The following PATJ variants were observed in gnomAD, a reference collection of about 807,000 sequenced individuals.
The protein encoded by PATJ is inaD-like protein.
Under a neutral mutation model 224.9 loss-of-function variants are expected in PATJ, and 190 were observed. The observed-to-expected ratio is 0.84, with a 90% CI of 0.75 to 0.95. PATJ has a LOEUF of 0.95. Ranked by LOEUF, PATJ falls within the 40% of genes least tolerant of loss-of-function variation. PATJ has a pLI of 0.00. For missense variants in PATJ, 2,121 were observed against 2,270.3 expected (o/e 0.93, Z 1.34); for synonymous variants, 769 against 820.3 (o/e 0.94, Z 1.07).
intron 6 of PATJ, among the ~76,000 whole-genome samples, chr1:61,772,433 C>A (rs1441870825): frequency 6.6e-6 from 1 of 152,014 alleles, no homozygotes; most frequent in Non-Finnish European, 1.5e-5. Flanking sequence ...GTGTATGTCT[C>A]TTTTGGGAAC....
chr1:62,001,489 C>G (rs552757153), intron 28 of PATJ, among the ~76,000 whole-genome samples: 2,351 of 148,560 alleles, frequency 0.016, 32 homozygotes, highest in African/African-American at 0.04. Context: ...TGTCAAAGAT[C>G]AGATAGTTGT....
At chr1:61,937,172 T>G (rs1389767424) in intron 27 of PATJ, among the ~76,000 whole-genome samples, 1 of 152,162 alleles carries the variant, frequency 6.6e-6, no homozygotes. Context: ...TTTTTTCAGC[T>G]TTGTGGGAGT....
chr1:62,081,194 A>G (rs998374694), intron 32 of PATJ, among the ~76,000 whole-genome samples: 1 of 152,244 alleles, frequency 6.6e-6, no homozygotes, highest in Non-Finnish European at 1.5e-5. Flanking sequence ...TTGGTAATAT[A>G]TATCACATAT....
intron 42 of PATJ, among the ~76,000 whole-genome samples, chr1:62,152,513 A>T (rs1354665009): frequency 6.6e-6 from 1 of 152,022 alleles, no homozygotes; most frequent in African/African-American, 2.4e-5. Flanking sequence ...TTAGCTGGGC[A>T]TGGTAGTACA....
At chr1:61,902,764 A>G (rs949957607) in intron 24 of PATJ, among the ~76,000 whole-genome samples, 1 of 152,198 alleles carries the variant, frequency 6.6e-6, no homozygotes, top group Non-Finnish European at 1.5e-5. Context: ...TCAGATTGCA[A>G]TAAGTAGCTA....
intron 14 of PATJ, chr1:61,816,540 A>G (rs918438523): frequency 1.3e-5 from 2 of 152,228 alleles, no homozygotes; most frequent in African/African-American, 4.8e-5. Context: ...TAAATTTATA[A>G]AAAAATTTTC....
chr1:62,141,785 G>C (rs7547052), intron 41 of PATJ, among the ~76,000 whole-genome samples: 1 of 151,834 alleles, frequency 6.6e-6, no homozygotes, highest in Non-Finnish European at 1.5e-5. Flanking sequence ...GCTGGCCAAC[G>C]TGGTGAAACC....
At chr1:61,968,831 T>C (rs1237813375) in intron 27 of PATJ, among the ~76,000 whole-genome samples, 3 of 152,138 alleles carry the variant, frequency 2.0e-5, no homozygotes, top group Non-Finnish European at 4.4e-5. Flanking sequence ...ATTCTATACC[T>C]ATTAAAAAAT....
chr1:61,820,007 T>C (rs1656928293), intron 14 of PATJ, among the ~76,000 whole-genome samples: 2 of 152,122 alleles, frequency 1.3e-5, no homozygotes, highest in South Asian at 4.1e-4. Flanking sequence ...ACTTGTTACA[T>C]TTATTTTTAT....
At chr1:61,805,558 G>A (rs1183697413) in intron 13 of PATJ, 34 bp downstream of exon 13, 1 of 1,250,364 alleles carries the variant, frequency 8.0e-7, no homozygotes, top group Non-Finnish European at 1.2e-6. Flanking sequence ...AAACATTCAT[G>A]TCTCATTTCA....
intron 14 of PATJ, among the ~76,000 whole-genome samples, chr1:61,813,383 A>ATG (rs1655352995): frequency 1.8e-4 from 3 of 16,368 alleles, no homozygotes; most frequent in East Asian, 1.5e-3. Flanking sequence ...ATATATACAC[A>ATG]CACACACACA....
intron 30 of PATJ, among the ~76,000 whole-genome samples, chr1:62,048,320 T>C (rs1652915242): frequency 6.6e-6 from 1 of 151,318 alleles, no homozygotes; most frequent in Non-Finnish European, 1.5e-5. Context: ...CTGAGGTGGG[T>C]GGATCACTTG....
Position 61,833,805 on chromosome 1 carries a change from G to T in PATJ, c.2112+20G>T, listed in dbSNP as rs893557975. ...TACCAGGTATAAGAACCTGTGTAGAGGTGTTTTCTTTGGAGTGATTGGTTT... is the reference window on the plus strand; with the variant it reads ...TACCAGGTATAAGAACCTGTGTAGATGTGTTTTCTTTGGAGTGATTGGTTT... On this transcript the variant is annotated intron_variant, in intron 17 of 43. Coordinates refer to ENST00000642238, the MANE Select transcript of PATJ (RefSeq NM_001350145.3). 6.2e-7 allele frequency: 1 copy of T among 1,604,430 alleles called. No homozygotes were observed.
At chr1:61,960,392 T>G (rs780560533) in intron 27 of PATJ, among the ~76,000 whole-genome samples, 1 of 152,208 alleles carries the variant, frequency 6.6e-6, no homozygotes, top group African/African-American at 2.4e-5. Flanking sequence ...CCAGGTGCAG[T>G]GGTTCACGCC....
intron 21 of PATJ, 92 bp from the exon 22 acceptor site, chr1:61,884,145 C>T: frequency 1.1e-5 from 9 of 821,764 alleles, no homozygotes; most frequent in East Asian, 2.6e-5. Flanking sequence ...GGAAGAGTCC[C>T]CTCCCATAGT....
chr1:61,908,177 G>T (rs1045511414), intron 24 of PATJ, among the ~76,000 whole-genome samples, 195 bp from the exon 25 acceptor site: 1 of 152,118 alleles, frequency 6.6e-6, no homozygotes, highest in Admixed American at 6.6e-5. Context: ...TTTTCTGAAG[G>T]TGAAATGTTA....
At chr1:61,980,529 T>C (rs939621813) in intron 27 of PATJ, among the ~76,000 whole-genome samples, 1 of 151,920 alleles carries the variant, frequency 6.6e-6, no homozygotes, top group South Asian at 2.1e-4. Context: ...GGTGTTTTTG[T>C]TTCTTAATTT....
At chr1:61,950,908 AG>A (rs1481908807) in intron 27 of PATJ, among the ~76,000 whole-genome samples, 1 of 152,168 alleles carries the variant, frequency 6.6e-6, no homozygotes, top group Non-Finnish European at 1.5e-5. Flanking sequence ...GCACTTTGGG[AG>A]GCCCAGGCGG....
intron 27 of PATJ, among the ~76,000 whole-genome samples, chr1:61,974,589 T>C (rs928113259): frequency 3.3e-5 from 5 of 151,810 alleles, no homozygotes; most frequent in Admixed American, 6.6e-5. Flanking sequence ...GGTGACAGAA[T>C]GAGACTCTGT....
Sources: allele counts gnomAD v4.1 joint callset (sites outside exome capture counted in the v4.1 genomes callset), GRCh38; gene constraint gnomAD v4.1.1; transcripts MANE v1.5; gene names NCBI Gene and HGNC (gene_info 2026-07-23, HGNC 2026-07-21).